SULF1: variants seen among roughly 807,000 people sequenced by gnomAD.
SULF1 encodes the protein sulfatase 1, also known as extracellular sulfatase Sulf-1.
SULF1 carries 46 observed loss-of-function variants against 110.5 expected under a neutral mutation model. The ratio of observed to expected loss-of-function variants is 0.42; its 90% CI spans 0.33 to 0.53. SULF1 has a LOEUF of 0.53. Among genes scored for constraint, SULF1 ranks in the 20% least tolerant of loss-of-function variants. SULF1 has a pLI of 0.12. For missense variants in SULF1, 941 were observed against 1,094.2 expected (o/e 0.86, Z 1.98); for synonymous variants, 371 against 387.1 (o/e 0.96, Z 0.49).
At position 69,542,370 on chromosome 8, in the gene SULF1, C is replaced by T. The variant is rs555912011; in HGVS notation, c.-133-21169C>T. Reference sequence around the variant, plus strand: ...GGCTTCAGTGAAAATATTCACAGAACATGAAGGAAACTGCTTTGCATCAAG... The same window carrying T: ...GGCTTCAGTGAAAATATTCACAGAATATGAAGGAAACTGCTTTGCATCAAG... On this transcript the variant is annotated intron_variant, in intron 3 of 22. Coordinates refer to ENST00000402687, the MANE Select transcript of SULF1 (RefSeq NM_001128205.2). Among the ~76,000 whole-genome samples the T allele has an allele frequency of 3.9e-5, 6 of 152,134 alleles. No individual in the cohort carries two copies. The East Asian group carries it at 9.6e-4, about 24-fold the overall frequency.
At chr8:69,554,911 G>A (rs755314789) in intron 3 of SULF1, among the ~76,000 whole-genome samples, 8 of 147,904 alleles carry the variant, frequency 5.4e-5, no homozygotes, top group Non-Finnish European at 1.2e-4. Flanking sequence ...CCTGGGAGGC[G>A]GAGCTTGCGG....
chr8:69,494,884 G>GAAAAAAAAAAAA (rs59596365), intron 1 of SULF1, among the ~76,000 whole-genome samples: 1 of 109,692 alleles, frequency 9.1e-6, no homozygotes. Flanking sequence ...TATCTCAAAG[G>GAAAAAAAAAAAA]AAAAAAAAAA....
chr8:69,627,884 C>T lies in SULF1; in HGVS notation c.2042+18C>T, dbSNP rs1277744896. 2.5e-6 allele frequency: 4 copies of T among 1,585,534 alleles called. No homozygotes were observed. Among genetic ancestry groups the T allele is most frequent in the Non-Finnish European group, 3.5e-6 (4 of 1,159,222 alleles). On this transcript the variant is annotated intron_variant, in intron 17 of 22. Coordinates refer to ENST00000402687, the MANE Select transcript of SULF1 (RefSeq NM_001128205.2). ...AAACAAAGGTGAGCTTGTTTCCATCCATGCTCCACTTTCCAAATTCATTTC... is the reference window on the plus strand; with the variant it reads ...AAACAAAGGTGAGCTTGTTTCCATCTATGCTCCACTTTCCAAATTCATTTC...
At chr8:69,633,879 G>C (rs1457358450) in intron 19 of SULF1, among the ~76,000 whole-genome samples, 1 of 151,858 alleles carries the variant, frequency 6.6e-6, no homozygotes, top group African/African-American at 2.4e-5. Flanking sequence ...AATTATTCTT[G>C]CAAATACAAA....
intron 13 of SULF1, among the ~76,000 whole-genome samples, chr8:69,614,192 C>T (rs1586553540): frequency 6.6e-6 from 1 of 152,162 alleles, no homozygotes; most frequent in Admixed American, 6.5e-5. Flanking sequence ...TCTGCAAAGG[C>T]TAATGTGGCA....
At chr8:69,538,682 T>C (rs1037623830) in intron 3 of SULF1, among the ~76,000 whole-genome samples, 8 of 143,500 alleles carry the variant, frequency 5.6e-5, no homozygotes, top group Non-Finnish European at 9.0e-5. Flanking sequence ...GTTTAGCTTA[T>C]TTTCTTTTTT....
intron 3 of SULF1, among the ~76,000 whole-genome samples, chr8:69,562,495 T>C (rs1815569678): frequency 6.6e-6 from 1 of 152,204 alleles, no homozygotes; most frequent in African/African-American, 2.4e-5. Flanking sequence ...ATCTAATTAA[T>C]TTTAGGGCAG....
Position 69,638,591 on chromosome 8 carries a change from G to A in SULF1, c.2374G>A (p.Glu792Lys), listed in dbSNP as rs1310054788. 6.2e-7 allele frequency: 1 copy of A among 1,614,048 alleles called. No individual in the cohort carries two copies. Among genetic ancestry groups the A allele is most frequent in the Admixed American group, 1.7e-5 (1 of 60,000 alleles). Residue 792 changes from glutamate to lysine, a missense_variant, in exon 20 of 23, where the codon GAG (glutamate) becomes AAG (lysine). Physicochemically the swap from Glu to Lys is moderately conservative, Grantham distance 56. Coordinates refer to ENST00000402687, the MANE Select transcript of SULF1 (RefSeq NM_001128205.2). ...VNETHNFLFC[E>K]FATGFLEYFD... The stretch of plus-strand genomic sequence containing the variant: ...TGAGACGCATAATTTTCTTTTCTGT[G>A]AGTTTGCTACTGGCTTTTTGGAGTA...
chr8:69,647,458 G>A (rs1243937688), intron 22 of SULF1, among the ~76,000 whole-genome samples: 1 of 151,936 alleles, frequency 6.6e-6, no homozygotes, highest in African/African-American at 2.4e-5. Context: ...AACATTAATT[G>A]GCTTTCATTT....
At chr8:69,549,125 C>T (rs1814507732) in intron 3 of SULF1, among the ~76,000 whole-genome samples, 1 of 152,180 alleles carries the variant, frequency 6.6e-6, no homozygotes, top group Non-Finnish European at 1.5e-5. Flanking sequence ...ATCAGCAATC[C>T]TGCTCCTGCC....
intron 8 of SULF1, among the ~76,000 whole-genome samples, chr8:69,596,018 A>C (rs1807294158): frequency 6.6e-6 from 1 of 152,338 alleles, no homozygotes; most frequent in Admixed American, 6.5e-5. Flanking sequence ...TCAAACACTC[A>C]GGAGAATTGG....
intron 3 of SULF1, among the ~76,000 whole-genome samples, chr8:69,557,096 T>C (rs547795173): frequency 6.6e-6 from 1 of 152,370 alleles, no homozygotes; most frequent in South Asian, 2.1e-4. Flanking sequence ...GCAAAGGACA[T>C]GATCTTGTTC....
In SULF1 at chr8:69,638,737, C is replaced by T. The variant is rs1443671332; in HGVS notation, c.2430C>T (p.Leu810=). 5 of 1,613,682 alleles carry T rather than the reference C, an allele frequency of 3.1e-6. No individual in the cohort carries two copies. The Admixed American group carries it at 6.7e-5, about 22-fold the overall frequency. The change falls in exon 21 of 23, where the codon CTC becomes CTT. Residue 810 remains leucine (L), a splice_region_variant and synonymous_variant. Transcript: ENST00000402687. Reference sequence around the variant, plus strand: ...GATTGTCCTGTCTGCATTCACAGCTCACAAATACAGTGCACACGGTAGAAC... The same window carrying T: ...GATTGTCCTGTCTGCATTCACAGCTTACAAATACAGTGCACACGGTAGAAC... The part of the protein sequence containing the change: ...YFDMNTDPYQ[L]TNTVHTVERG...
Position 69,629,588 on chromosome 8 carries a change from A to G in SULF1, c.2193A>G (p.Arg731=). The stretch of plus-strand genomic sequence containing the variant: ...GGAAGAAGGAGAGGAAGGAGAAGAG[A>G]CGGCAGAGGAAGGGGGAAGAGTGCA... ...RRRKKERKEK[R]RQRKGEECSL... Residue 731 remains arginine, a synonymous_variant, in exon 19 of 23, where the codon AGA becomes AGG. Coordinates refer to ENST00000402687, the MANE Select transcript of SULF1 (RefSeq NM_001128205.2). 6.2e-7 allele frequency: 1 copy of G among 1,614,062 alleles called. No homozygotes were observed. The highest frequency in any genetic ancestry group is 2.2e-5 in the East Asian group (1 of 44,876).
chr8:69,640,806 A>G lies in SULF1; in HGVS notation c.2552-2A>G, dbSNP rs1438451661. ...AATTACTCTTGTATTTTCCTATATC[A>G]GGAAATAAAGATGGAGGAAGCTATG... On this transcript the variant is annotated splice_acceptor_variant, in intron 21 of 22. Transcript: ENST00000402687. LOFTEE classifies it high-confidence loss of function. The G allele has an allele frequency of 6.2e-7, 1 of 1,611,198 alleles. No individual in the cohort carries two copies.
Position 69,600,706 on chromosome 8 carries a change from C to A in SULF1, c.838C>A (p.Arg280Ser). Residue 280 changes from arginine (R) to serine (S), a missense_variant, in exon 9 of 23, where the codon CGC becomes AGC. Arg to Ser is a moderately radical substitution (Grantham distance 110). Transcript: ENST00000402687. The stretch of plus-strand genomic sequence containing the variant: ...CATGGAATTTACAAACATTCTACAG[C>A]GCAAAAGGCTCCAGACTTTGATGTC... The part of the protein sequence containing the change: ...IHMEFTNILQ[R>S]KRLQTLMSVD... 1 of 1,614,054 alleles carries A rather than the reference C, an allele frequency of 6.2e-7. No individual in the cohort carries two copies. The highest frequency in any genetic ancestry group is 8.5e-7 in the Non-Finnish European group (1 of 1,179,936).
At chr8:69,503,890 C>T (rs1810983483) in intron 3 of SULF1, among the ~76,000 whole-genome samples, 1 of 152,172 alleles carries the variant, frequency 6.6e-6, no homozygotes, top group Middle Eastern at 3.4e-3. Flanking sequence ...ACCTCCGACC[C>T]CTGAGTTCAA....
chr8:69,642,591 G>A lies in SULF1; in HGVS notation c.2585+1750G>A, dbSNP rs542144082. On this transcript the variant is annotated intron_variant, in intron 22 of 22. Transcript: ENST00000402687. Reference sequence around the variant, plus strand: ...AGGACGATCTTCCCTGCCTCCCATCGGTCACATTAAGACATTTTCAAAGTG... The same window carrying A: ...AGGACGATCTTCCCTGCCTCCCATCAGTCACATTAAGACATTTTCAAAGTG... 2.6e-3 allele frequency among the ~76,000 whole-genome samples: 395 copies of A among 152,058 alleles called. 1 individual carries two copies. Among genetic ancestry groups the A allele is most frequent in the Middle Eastern group, 6.8e-3 (2 of 294 alleles).
At chr8:69,555,041 A>G (rs1815014278) in intron 3 of SULF1, among the ~76,000 whole-genome samples, 2 of 150,732 alleles carry the variant, frequency 1.3e-5, no homozygotes, top group Admixed American at 6.6e-5. Context: ...TGCATTTTAA[A>G]GTTTCCTTGA....
Sources: gnomAD v4.1 joint callset for allele counts (sites outside exome capture counted in the v4.1 genomes callset) on GRCh38, gnomAD v4.1.1 for gene constraint, MANE v1.5 for transcripts, NCBI Gene and HGNC (gene_info 2026-07-23, HGNC 2026-07-21) for gene names.